MUC17: variants seen among roughly 807,000 people sequenced by gnomAD.
MUC17 encodes the protein mucin-17.
Under a neutral mutation model 170.3 loss-of-function variants are expected in MUC17, and 190 were observed. The observed-to-expected ratio is 1.12, with a 90% CI of 0.99 to 1.26. The LOEUF (loss-of-function observed/expected upper bound fraction) is 1.26, where lower values mean the gene tolerates loss of function less well. Among genes scored for constraint, MUC17 ranks in the 50% most tolerant of loss-of-function variants. The pLI, the probability that MUC17 is intolerant of heterozygous loss-of-function variation, is 0.00. For missense variants in MUC17, 6,415 were observed against 5,530.0 expected, an observed-to-expected ratio of 1.16 and a Z score of -5.08; for synonymous variants, 2,325 against 2,002.5, an observed-to-expected ratio of 1.16 and a Z score of -4.30.
Position 101,037,170 on chromosome 7 carries a change from C to A in MUC17, c.5754C>A (p.Thr1918=), listed in dbSNP as rs557850355. 3.1e-6 allele frequency: 5 copies of A among 1,612,676 alleles called. No individual in the cohort carries two copies. The highest frequency in any genetic ancestry group is 1.7e-6 in the Non-Finnish European group (2 of 1,179,766). ...CTGCTGACGGTAGCAGCATGCCAAC[C>A]TCAACTCCTAGGGAAGGAAGGCCTC... ...PTTADGSSMP[T]STPREGRPPL... The change falls in exon 3 of 13, where the codon ACC becomes ACA. Residue 1918 remains threonine (T), a synonymous_variant. Transcript: ENST00000306151.
rs752165834 is a variant in MUC17 at position 101,042,788 on chromosome 7, G to A, written c.11372G>A (p.Gly3791Asp). 4.3e-6 allele frequency: 7 copies of A among 1,613,912 alleles called. No individual in the cohort carries two copies. The highest frequency in any genetic ancestry group is 4.5e-5 in the East Asian group (2 of 44,898). Residue 3791 changes from glycine to aspartate, a missense_variant, in exon 3 of 13, where the codon GGC (glycine) becomes GAC (aspartate). By Grantham distance (94) the Gly-to-Asp change is moderately conservative. Transcript: ENST00000306151. Reference sequence around the variant, plus strand: ...ATGTCTATGACCACTGCCTCTGAAGGCAGTTCATCTCCTACAACTCTTGAA... The same window carrying A: ...ATGTCTATGACCACTGCCTCTGAAGACAGTTCATCTCCTACAACTCTTGAA... ...TSMSMTTASE[G>D]SSSPTTLEGT...
chr7:101,049,343 G>C lies in MUC17; in HGVS notation c.12683G>C (p.Gly4228Ala). The C allele has an allele frequency of 6.2e-7, 1 of 1,614,100 alleles. No homozygotes were observed. The highest frequency in any genetic ancestry group is 8.5e-7 in the Non-Finnish European group (1 of 1,179,990). The change falls in exon 6 of 13, where the codon GGG becomes GCG. Residue 4228 changes from glycine to alanine, a missense_variant. Transcript: ENST00000306151. ...TTTCAGATGAATATTGTGTATTCCG[G>C]GATCCCTGAGTATGTCGGGGTGAAC... ...FTEQMNIVYS[G>A]IPEYVGVNIT...
Position 101,056,275 on chromosome 7 carries a change from G to A in MUC17, c.13440+5G>A, listed in dbSNP as rs749772317. 1.9e-6 allele frequency: 3 copies of A among 1,613,500 alleles called. No homozygotes were observed. Among genetic ancestry groups the A allele is most frequent in the Admixed American group, 3.3e-5 (2 of 59,972 alleles). On this transcript the variant is annotated splice_donor_5th_base_variant and intron_variant, in intron 12 of 12. Coordinates refer to ENST00000306151, the MANE Select transcript of MUC17 (RefSeq NM_001040105.2). Reference sequence around the variant, plus strand: ...CACATAGACCCTGAAACAAAGGTAAGAAGGGCCTGGATGGGATGCTGGCCT... The same window carrying A: ...CACATAGACCCTGAAACAAAGGTAAAAAGGGCCTGGATGGGATGCTGGCCT...
rs762589913 is a variant in MUC17 at position 101,036,119 on chromosome 7, A to G, written c.4703A>G (p.Tyr1568Cys). ...GGTACCAGCATGCAAACCTCAACTT[A>G]TAGTGAAGGAAGCACTCCACTAACA... is the stretch of plus-strand genomic sequence containing the variant. Reference protein sequence around the residue: ...ADGTSMQTSTYSEGSTPLTSL... With the variant: ...ADGTSMQTSTCSEGSTPLTSL... Residue 1568 changes from tyrosine (Y) to cysteine (C), a missense_variant, in exon 3 of 13, where the codon TAT becomes TGT. Tyr to Cys is a radical substitution (Grantham distance 194, BLOSUM62 -2). Coordinates refer to ENST00000306151, the MANE Select transcript of MUC17 (RefSeq NM_001040105.2). The G allele has an allele frequency of 2.5e-6, 4 of 1,606,216 alleles. No individual in the cohort carries two copies. Among genetic ancestry groups the G allele is most frequent in the South Asian group, 1.1e-5 (1 of 90,448 alleles).
At chr7:101,023,750 A>AAT (rs1794134404) in intron 1 of MUC17, among the ~76,000 whole-genome samples, 1 of 152,172 alleles carries the variant, frequency 6.6e-6, no homozygotes, top group Non-Finnish European at 1.5e-5. Flanking sequence ...CAGTAGTGGG[A>AAT]TTGCAGGATC....
In MUC17 at chr7:101,050,550, A is replaced by G. The variant is rs148556138; in HGVS notation, c.12789A>G (p.Thr4263=). ...LRTKYTPEYK[T]VLDNATEVVK... is the part of the protein sequence containing the mutation. ...CCAAGTACACACCAGAATACAAGAC[A>G]GTATTGGACAATGCCACCGAAGTAG... Residue 4263 remains threonine (T), a synonymous_variant, in exon 7 of 13, where the codon ACA becomes ACG. Transcript: ENST00000306151. The G allele has an allele frequency of 5.5e-4, 884 of 1,614,202 alleles. 1 individual carries two copies. Among genetic ancestry groups the G allele is most frequent in the Non-Finnish European group, 6.7e-4 (793 of 1,180,008 alleles).
Position 101,031,926 on chromosome 7 carries a change from C to A in MUC17, c.510C>A (p.Pro170=). ...CTTTTGTCAGCACTGCACCTCTTCC[C>A]AGTTTTGAGGCCTACACATCTTTAA... The part of the protein sequence containing the change: ...TMAFVSTAPL[P]SFEAYTSLTY... Residue 170 remains proline, a synonymous_variant, in exon 3 of 13, where the codon CCC becomes CCA. Coordinates refer to ENST00000306151, the MANE Select transcript of MUC17 (RefSeq NM_001040105.2). 6.2e-7 allele frequency: 1 copy of A among 1,614,082 alleles called. No homozygotes were observed. Among genetic ancestry groups the A allele is most frequent in the East Asian group, 2.2e-5 (1 of 44,884 alleles).
At position 101,041,129 on chromosome 7, in the gene MUC17, A is replaced by G. The variant is rs780027836; in HGVS notation, c.9713A>G (p.Glu3238Gly). The G allele has an allele frequency of 1.1e-5, 18 of 1,613,572 alleles. 2 individuals carry two copies. The South Asian group carries it at 1.8e-4, about 16-fold the overall frequency. The stretch of plus-strand genomic sequence containing the variant: ...AGCAACACGCCGGTGGCCAGTTCTG[A>G]GGCTAGCATCCTTTCAACAACTCCT... Reference protein sequence around the residue: ...PVSNTPVASSEASILSTTPVD... With the variant: ...PVSNTPVASSGASILSTTPVD... Residue 3238 changes from glutamate to glycine, a missense_variant, in exon 3 of 13, where the codon GAG becomes GGG. Coordinates refer to ENST00000306151, the MANE Select transcript of MUC17 (RefSeq NM_001040105.2).
At chr7:101,055,434 G>C (rs753921393) in intron 11 of MUC17, among the ~76,000 whole-genome samples, 1 of 151,754 alleles carries the variant, frequency 6.6e-6, no homozygotes. Context: ...AGAATTACTA[G>C]GTATAAAAAT....
Position 101,033,056 on chromosome 7 carries a change from A to G in MUC17, c.1640A>G (p.Glu547Gly). Residue 547 changes from glutamate (E) to glycine (G), a missense_variant, in exon 3 of 13, where the codon GAA becomes GGA. Glu to Gly is a moderately conservative substitution (Grantham distance 98). Coordinates refer to ENST00000306151, the MANE Select transcript of MUC17 (RefSeq NM_001040105.2). ...DTSTPVTTSS[E>G]ASSSSTTPEG... ...AGCACACCTGTGACCACTTCTAGTG[A>G]AGCCAGTTCATCTTCTACAACTCCT... The G allele has an allele frequency of 1.2e-6, 2 of 1,613,316 alleles. No individual in the cohort carries two copies. Among genetic ancestry groups the G allele is most frequent in the Non-Finnish European group, 1.7e-6 (2 of 1,179,892 alleles).
intron 1 of MUC17, among the ~76,000 whole-genome samples, chr7:101,023,766 G>A (rs1794134885): frequency 6.6e-6 from 1 of 152,254 alleles, no homozygotes; most frequent in Non-Finnish European, 1.5e-5. Flanking sequence ...GGATCAAATG[G>A]CAGATTTACT....
chr7:101,054,944 C>A (rs981724379), intron 11 of MUC17, among the ~76,000 whole-genome samples: 3 of 152,236 alleles, frequency 2.0e-5, no homozygotes, highest in South Asian at 2.1e-4. Context: ...CCCGTCTCTA[C>A]TAAAAACACA....
At chr7:101,045,424 A>C (rs185478882) in intron 3 of MUC17, among the ~76,000 whole-genome samples, 38 of 140,908 alleles carry the variant, frequency 2.7e-4, no homozygotes, top group African/African-American at 9.4e-4. Flanking sequence ...ATGGAGTTTC[A>C]CTCTTGTTGC....
chr7:101,035,855 T>C lies in MUC17; in HGVS notation c.4439T>C (p.Val1480Ala), dbSNP rs7780935. The change falls in exon 3 of 13, where the codon GTT (valine) becomes GCT (alanine). Residue 1480 changes from valine (V) to alanine (A), a missense_variant. Coordinates refer to ENST00000306151, the MANE Select transcript of MUC17 (RefSeq NM_001040105.2). ...GCTAGCACCCTTTCAACAACTCCTG[T>C]TGACTCTAACAGTCCTGTGGTCACT... ...SEASTLSTTP[V>A]DSNSPVVTST... is the part of the protein sequence containing the mutation. 177,124 of 1,600,276 alleles carry C rather than the reference T, an allele frequency of 0.11. 9,473 individuals carry two copies. The highest frequency in any genetic ancestry group is 0.21 in the African/African-American group (15,641 of 74,368).
chr7:101,039,334 G>C lies in MUC17; in HGVS notation c.7918G>C (p.Val2640Leu). The change falls in exon 3 of 13, where the codon GTC becomes CTC. Residue 2640 changes from valine to leucine, a missense_variant. Physicochemically the swap from Val to Leu is conservative, Grantham distance 32. Coordinates refer to ENST00000306151, the MANE Select transcript of MUC17 (RefSeq NM_001040105.2). ...EVSTSLTSIL[V>L]STMPVASSEA... ...AAGTACTTCATTAACAAGTATACTT[G>C]TCAGCACCATGCCAGTGGCCAGTTC... 2 of 1,613,174 alleles carry C rather than the reference G, an allele frequency of 1.2e-6. No individual in the cohort carries two copies. The highest frequency in any genetic ancestry group is 1.7e-6 in the Non-Finnish European group (2 of 1,179,578).
In MUC17 at chr7:101,043,885, C is replaced by T. The variant is rs1297126509; in HGVS notation, c.12403+66C>T. 6.2e-6 allele frequency: 9 copies of T among 1,456,578 alleles called. No individual in the cohort carries two copies. In the East Asian group the frequency reaches 1.2e-4, roughly 19 times the overall value. 90.2% of individuals were successfully genotyped at this position (1,456,578 alleles called of 1,614,324 possible). A position where few individuals can be genotyped will look rare whatever the true frequency, so the allele number is the denominator to read the frequency against. On this transcript the variant is annotated intron_variant, in intron 3 of 12. Transcript: ENST00000306151. ...CTGTAAGTTCTAGGGTACATGTGCA[C>T]AACGTGCAGGTTTGTTACCTATGTA... is the stretch of plus-strand genomic sequence containing the variant.
Position 101,029,210 on chromosome 7 carries a change from G to A in MUC17, c.83-1910G>A, listed in dbSNP as rs116929442. On this transcript the variant is annotated intron_variant, in intron 1 of 12. Transcript: ENST00000306151. ...TCTCAAAAAAGAAAAAAAAAAAATA[G>A]CTGGACACGGTGGCAGGTGTCTGTA... 0.015 allele frequency among the ~76,000 whole-genome samples: 2,281 copies of A among 149,650 alleles called. 142 individuals carry two copies. In the East Asian group the frequency reaches 0.17, roughly 11 times the overall value.
At position 101,038,272 on chromosome 7, in the gene MUC17, G is replaced by A; in HGVS notation, c.6856G>A (p.Val2286Ile). 1 of 1,613,692 alleles carries A rather than the reference G, an allele frequency of 6.2e-7. No individual in the cohort carries two copies. Among genetic ancestry groups the A allele is most frequent in the Non-Finnish European group, 8.5e-7 (1 of 1,179,838 alleles). ...AACGACTCCATTAACAAGTATACCT[G>A]TCAGCCACACGCTGGTGGCCAATTC... ...EGTTPLTSIP[V>I]SHTLVANSEV... Residue 2286 changes from valine (V) to isoleucine (I), a missense_variant, in exon 3 of 13, where the codon GTC (valine) becomes ATC (isoleucine). Val to Ile is a conservative substitution (Grantham distance 29, BLOSUM62 3). Transcript: ENST00000306151.
In MUC17 at chr7:101,021,998, C is replaced by T. The variant is rs553712516; in HGVS notation, c.82+1781C>T. On this transcript the variant is annotated intron_variant, in intron 1 of 12. Coordinates refer to ENST00000306151, the MANE Select transcript of MUC17 (RefSeq NM_001040105.2). ...TTTGCCCAGCCCGGCCCTGCCATCA[C>T]AGATGCCCTCTCATCCCTACACCCA... Among the ~76,000 whole-genome samples the T allele has an allele frequency of 1.7e-3, 260 of 152,266 alleles. 1 individual carries two copies. The highest frequency in any genetic ancestry group is 2.5e-3 in the Non-Finnish European group (173 of 68,014).
Sources: gnomAD v4.1 joint callset for allele counts (sites outside exome capture counted in the v4.1 genomes callset) on GRCh38, gnomAD v4.1.1 for gene constraint, MANE v1.5 for transcripts, NCBI Gene and HGNC (gene_info 2026-07-23, HGNC 2026-07-21) for gene names.